The following DNAH14 variants were observed in gnomAD, a reference collection of about 807,000 sequenced individuals.
DNAH14 encodes axonemal beta dynein heavy chain 14.
A neutral mutation model predicts 520.9 loss-of-function variants in DNAH14; 478 were observed. That is an observed-to-expected ratio of 0.92 (90% CI 0.85 to 0.99). The LOEUF is 0.99. Among genes scored for constraint, DNAH14 ranks in the 50% least tolerant of loss-of-function variants. DNAH14 has a pLI of 0.00. For synonymous variants in DNAH14, 1,581 were observed against 1,757.2 expected, an observed-to-expected ratio of 0.90 and a Z score of 2.51; for missense variants, 4,831 against 5,234.5, an observed-to-expected ratio of 0.92 and a Z score of 2.38.
chr1:225,107,897 TAATA>T (rs1217954228), intron 23 of DNAH14, among the ~76,000 whole-genome samples: 2 of 152,310 alleles, frequency 1.3e-5, no homozygotes, highest in East Asian at 3.9e-4. Flanking sequence ...TGATCAGTGA[TAATA>T]AACACTTTTT....
At chr1:225,152,170 A>G in intron 32 of DNAH14, 97 bp downstream of exon 32, 2 of 1,061,126 alleles carry the variant, frequency 1.9e-6, no homozygotes, top group Non-Finnish European at 2.7e-6. Flanking sequence ...GCATCTATCC[A>G]TATATCTGTC....
chr1:225,324,258 G>C lies in DNAH14; in HGVS notation c.9532G>C (p.Asp3178His), dbSNP rs1360279808. ...VKLKKIVTLP[D>H]FNPHKISLVS... ...GCTAAAAAAAATTGTAACCTTACCT[G>C]ATTTCAACCCACACAAGATTTCGCT... The change falls in exon 63 of 86, where the codon GAT becomes CAT. Residue 3178 changes from aspartate to histidine, a missense_variant. Asp to His is a moderately conservative substitution (Grantham distance 81, BLOSUM62 -1). Coordinates refer to ENST00000682510, the MANE Select transcript of DNAH14 (RefSeq NM_001367479.1). 1 of 1,551,726 alleles carries C rather than the reference G, an allele frequency of 6.4e-7. No homozygotes were observed. Among genetic ancestry groups the C allele is most frequent in the East Asian group, 2.4e-5 (1 of 40,914 alleles).
intron 49 of DNAH14, among the ~76,000 whole-genome samples, chr1:225,267,763 G>A (rs1574406670): frequency 6.6e-6 from 1 of 151,864 alleles, no homozygotes. Context: ...ATGGTTTCAT[G>A]TCTCAGACAA....
intron 23 of DNAH14, among the ~76,000 whole-genome samples, chr1:225,115,709 T>A (rs1253592385): frequency 6.6e-6 from 1 of 152,230 alleles, no homozygotes; most frequent in Admixed American, 6.5e-5. Context: ...ATCGTTGAGA[T>A]AAGCCTTCCA....
intron 17 of DNAH14, among the ~76,000 whole-genome samples, chr1:225,064,839 G>A (rs79863802): frequency 0.054 from 8,168 of 151,950 alleles, 316 homozygotes; most frequent in Non-Finnish European, 0.081. Context: ...GTTTATGGAG[G>A]TAGTTACAAA....
chr1:225,212,883 C>T (rs2088658265), intron 41 of DNAH14, among the ~76,000 whole-genome samples: 1 of 152,062 alleles, frequency 6.6e-6, no homozygotes, highest in East Asian at 1.9e-4. Context: ...ATGGTAGTTT[C>T]TTTTGCTGTG....
At chr1:225,238,809 T>TG (rs2091781591) in intron 42 of DNAH14, among the ~76,000 whole-genome samples, 1 of 151,818 alleles carries the variant, frequency 6.6e-6, no homozygotes, top group Non-Finnish European at 1.5e-5. Flanking sequence ...CAAATAACCC[T>TG]GGGGGGAGGG....
chr1:225,336,440 CCTAATAA>C (rs1181948823), intron 66 of DNAH14, among the ~76,000 whole-genome samples: 2 of 151,912 alleles, frequency 1.3e-5, no homozygotes, highest in East Asian at 3.9e-4. Flanking sequence ...TAAATTTGTA[CCTAATAA>C]CATGATCTCA....
intron 81 of DNAH14, among the ~76,000 whole-genome samples, chr1:225,386,550 C>A (rs1401893899): frequency 6.6e-6 from 1 of 152,178 alleles, no homozygotes; most frequent in Non-Finnish European, 1.5e-5. Flanking sequence ...AATCAAATAA[C>A]CCTATTAAAA....
At chr1:225,391,841 G>A (rs1575167555) in intron 83 of DNAH14, among the ~76,000 whole-genome samples, 1 of 152,040 alleles carries the variant, frequency 6.6e-6, no homozygotes, top group African/African-American at 2.4e-5. Context: ...AAGCACCTCA[G>A]CAACCCTAGA....
chr1:225,153,911 A>G (rs1000253738), intron 34 of DNAH14, 85 bp downstream of exon 34: 33 of 1,016,846 alleles, frequency 3.2e-5, no homozygotes, highest in Middle Eastern at 2.1e-4. Flanking sequence ...GATGATGCCA[A>G]GTTAAAACAG....
chr1:225,300,990 A>T lies in DNAH14; in HGVS notation c.8591A>T (p.His2864Leu), dbSNP rs1329637433. The T allele has an allele frequency of 6.4e-7, 1 of 1,550,696 alleles. No individual in the cohort carries two copies. Among genetic ancestry groups the T allele is most frequent in the Non-Finnish European group, 8.7e-7 (1 of 1,146,764 alleles). ...AGATATCTTACTGAACAATCTGGTCATATGGATAATAGGCAATCTTTACTT... is the reference window on the plus strand; with the variant it reads ...AGATATCTTACTGAACAATCTGGTCTTATGGATAATAGGCAATCTTTACTT... ...KIRYLTEQSG[H>L]MDNRQSLLSF... Residue 2864 changes from histidine to leucine, a missense_variant, in exon 56 of 86, where the codon CAT (histidine) becomes CTT (leucine). His to Leu is a moderately conservative substitution (Grantham distance 99). Coordinates refer to ENST00000682510, the MANE Select transcript of DNAH14 (RefSeq NM_001367479.1).
At chr1:225,168,098 A>C in intron 36 of DNAH14, 70 bp downstream of exon 36, 7 of 879,280 alleles carry the variant, frequency 8.0e-6, no homozygotes, top group Non-Finnish European at 1.2e-5. Context: ...ATAAAGGGCA[A>C]AAATAATAAT....
chr1:225,291,375 G>A (rs2093885157), intron 55 of DNAH14, among the ~76,000 whole-genome samples: 1 of 152,012 alleles, frequency 6.6e-6, no homozygotes, highest in African/African-American at 2.4e-5. Flanking sequence ...TTGGATAAAT[G>A]CCCAGAAGTG....
At chr1:225,300,448 G>GT (rs553734134) in intron 55 of DNAH14, among the ~76,000 whole-genome samples, 8 of 152,200 alleles carry the variant, frequency 5.3e-5, no homozygotes, top group Non-Finnish European at 7.3e-5. Context: ...GACAGCCACA[G>GT]TGGCTCATGC....
Position 225,207,009 on chromosome 1 carries a change from G to A in DNAH14, c.6228G>A (p.Trp2076Ter). ...GATGGGAACCTTATGTTAAGTCATG[G>A]CTTCTGAAAACTTCTAAAATTATAA... Reference protein sequence around the residue: ...DLGWEPYVKSWLLKTSKIISQ... With the variant: ...DLGWEPYVKS The change falls in exon 41 of 86, where the codon TGG (tryptophan) becomes TGA (stop). Residue 2076 changes from tryptophan (W) to a stop codon, truncating the protein, a stop_gained. Transcript: ENST00000682510. LOFTEE classifies it high-confidence loss of function. 1 of 1,541,456 alleles carries A rather than the reference G, an allele frequency of 6.5e-7. No individual in the cohort carries two copies. Among genetic ancestry groups the A allele is most frequent in the Non-Finnish European group, 8.8e-7 (1 of 1,142,612 alleles).
intron 8 of DNAH14, among the ~76,000 whole-genome samples, chr1:224,980,774 C>A (rs1448469128): frequency 6.6e-6 from 1 of 152,056 alleles, no homozygotes; most frequent in Non-Finnish European, 1.5e-5. Flanking sequence ...AGTGAACATA[C>A]ATCCGACCCA....
intron 41 of DNAH14, among the ~76,000 whole-genome samples, chr1:225,228,607 T>TG (rs34936665): frequency 0.29 from 43,607 of 151,432 alleles, 6,497 homozygotes; most frequent in Non-Finnish European, 0.32. Flanking sequence ...CCCCCACTCC[T>TG]GGGGGGGGTC....
intron 42 of DNAH14, among the ~76,000 whole-genome samples, chr1:225,238,326 C>T (rs926393533): frequency 6.6e-6 from 1 of 152,104 alleles, no homozygotes; most frequent in Admixed American, 6.5e-5. Flanking sequence ...TTATTCTTGT[C>T]GTTTTCTGTC....
Sources: gnomAD v4.1 joint callset for allele counts (sites outside exome capture counted in the v4.1 genomes callset) on GRCh38, gnomAD v4.1.1 for gene constraint, MANE v1.5 for transcripts, NCBI Gene and HGNC (gene_info 2026-07-23, HGNC 2026-07-21) for gene names.